NDRG3: variants seen among roughly 807,000 people sequenced by gnomAD.
The protein encoded by NDRG3 is protein NDRG3.
Under a neutral mutation model 57.2 loss-of-function variants are expected in NDRG3, and 23 were observed. That is an observed-to-expected ratio of 0.40 (90% CI 0.29 to 0.57). The LOEUF (loss-of-function observed/expected upper bound fraction) is 0.57, where lower values mean the gene tolerates loss of function less well. Ranked by LOEUF, NDRG3 falls within the 20% of genes least tolerant of loss-of-function variation. The probability of loss-of-function intolerance (pLI) is 0.42; values close to 1 mark genes in which losing one functional copy is unlikely to be tolerated. For missense variants in NDRG3, 384 were observed against 457.3 expected, an observed-to-expected ratio of 0.84 and a Z score of 1.46; for synonymous variants, 132 against 162.6, an observed-to-expected ratio of 0.81 and a Z score of 1.43.
chr20:36,663,400 C>A (rs1178165727), intron 12 of NDRG3, among the ~76,000 whole-genome samples: 1 of 152,160 alleles, frequency 6.6e-6, no homozygotes, highest in African/African-American at 2.4e-5. Flanking sequence ...TAATGTTTTG[C>A]TCTATTTAGG....
At chr20:36,733,577 A>G (rs571829492) in intron 1 of NDRG3, among the ~76,000 whole-genome samples, 1 of 152,216 alleles carries the variant, frequency 6.6e-6, no homozygotes, top group African/African-American at 2.4e-5. Flanking sequence ...ACAAAAAATT[A>G]GCCGGGAGAG....
chr20:36,728,765 G>T (rs113433911), intron 1 of NDRG3, among the ~76,000 whole-genome samples: 1 of 151,692 alleles, frequency 6.6e-6, no homozygotes, highest in Non-Finnish European at 1.5e-5. Flanking sequence ...TCACTCTGTC[G>T]CCCAGGCTGG....
intron 1 of NDRG3, among the ~76,000 whole-genome samples, chr20:36,722,564 A>G (rs144500390): frequency 2.0e-5 from 3 of 152,340 alleles, no homozygotes; most frequent in African/African-American, 7.2e-5. Context: ...ACAGACTGGA[A>G]GACGGATTAA....
At chr20:36,717,477 TG>T (rs1984342358) in intron 2 of NDRG3, among the ~76,000 whole-genome samples, 1 of 152,220 alleles carries the variant, frequency 6.6e-6, no homozygotes, top group Non-Finnish European at 1.5e-5. Context: ...GCCACAAAGG[TG>T]ATGCCAAAAC....
At chr20:36,666,234 C>A (rs1295875181) in intron 10 of NDRG3, 55 bp downstream of exon 10, 8 of 1,340,686 alleles carry the variant, frequency 6.0e-6, no homozygotes, top group Non-Finnish European at 8.6e-6. Flanking sequence ...TTCTCCCACC[C>A]TCCTCTTTTT....
At chr20:36,734,347 T>C (rs1600973789) in intron 1 of NDRG3, among the ~76,000 whole-genome samples, 1 of 152,138 alleles carries the variant, frequency 6.6e-6, no homozygotes, top group South Asian at 2.1e-4. Context: ...TCATCACAGA[T>C]GAAAAGACTG....
intron 9 of NDRG3, among the ~76,000 whole-genome samples, chr20:36,666,847 T>C (rs530906374): frequency 1.3e-5 from 2 of 152,342 alleles, no homozygotes; most frequent in African/African-American, 2.4e-5. Context: ...TTTCTTTTCT[T>C]TTTTTATAAG....
chr20:36,659,743 G>A (rs1197620836), intron 13 of NDRG3, among the ~76,000 whole-genome samples: 1 of 151,936 alleles, frequency 6.6e-6, no homozygotes, highest in Non-Finnish European at 1.5e-5. Flanking sequence ...TGGGACTACA[G>A]GCGTGGGCCA....
chr20:36,716,338 G>T (rs1286093822), intron 2 of NDRG3, among the ~76,000 whole-genome samples: 3 of 152,032 alleles, frequency 2.0e-5, no homozygotes, highest in East Asian at 1.9e-4. Context: ...TTCAAGACCA[G>T]CCTGGCCAAC....
At chr20:36,662,710 C>G (rs1372617897) in intron 12 of NDRG3, among the ~76,000 whole-genome samples, 4 of 152,130 alleles carry the variant, frequency 2.6e-5, no homozygotes, top group Non-Finnish European at 5.9e-5. Context: ...CTCTTAATCC[C>G]CACACACTTG....
intron 1 of NDRG3, among the ~76,000 whole-genome samples, chr20:36,736,701 G>A (rs952149521): frequency 3.9e-5 from 6 of 152,106 alleles, no homozygotes; most frequent in Non-Finnish European, 8.8e-5. Context: ...ACTCCCCCAG[G>A]AAGCCAGATA....
chr20:36,685,101 T>C (rs932854808), intron 5 of NDRG3, among the ~76,000 whole-genome samples: 2 of 152,068 alleles, frequency 1.3e-5, no homozygotes, highest in African/African-American at 2.4e-5. Flanking sequence ...ATCTCTTCAG[T>C]TGGAGTCCAG....
rs79102066 is a variant in NDRG3 at position 36,721,992 on chromosome 20, C to G, written c.-48-209G>C. Among the ~76,000 whole-genome samples the G allele has an allele frequency of 5.3e-4, 80 of 152,214 alleles. 1 individual carries two copies. The highest frequency in any genetic ancestry group is 1.8e-3 in the African/African-American group (76 of 41,544). On this transcript the variant is annotated intron_variant, in intron 1 of 15. Transcript: ENST00000349004. ...GTATTCACATCCTTGCCTAATACCC[C>G]CAGTGAGTGTGCGCAGGGCCTGTGG... is the stretch of plus-strand genomic sequence containing the variant.
intron 5 of NDRG3, 74 bp from the exon 6 acceptor site, chr20:36,684,549 C>G: frequency 1.5e-6 from 2 of 1,345,032 alleles, no homozygotes; most frequent in Admixed American, 1.7e-5. Flanking sequence ...CTGGAAAGGT[C>G]CAGAAGTCTT....
intron 9 of NDRG3, 101 bp from the exon 10 acceptor site, chr20:36,666,493 T>C: frequency 2.5e-6 from 2 of 811,170 alleles, no homozygotes; most frequent in South Asian, 2.9e-5. Context: ...ATCGTGCGGC[T>C]CATGATGGGA....
At chr20:36,722,843 G>A (rs1984676952) in intron 1 of NDRG3, among the ~76,000 whole-genome samples, 1 of 152,180 alleles carries the variant, frequency 6.6e-6, no homozygotes, top group Non-Finnish European at 1.5e-5. Flanking sequence ...TATGGAGGAA[G>A]CAACAATATG....
chr20:36,665,171 G>A (rs1979517735), intron 11 of NDRG3, 65 bp downstream of exon 11: 1 of 1,605,858 alleles, frequency 6.2e-7, no homozygotes, highest in Admixed American at 1.7e-5. Context: ...ATTAGTCTAT[G>A]AAAGTCTATG....
chr20:36,723,614 G>A (rs1984729866), intron 1 of NDRG3, among the ~76,000 whole-genome samples: 1 of 151,356 alleles, frequency 6.6e-6, no homozygotes. Context: ...AAGCAATTAT[G>A]TCTGATTGGT....
rs1982013065 is a variant in NDRG3 at position 36,688,794 on chromosome 20, G to C, written c.94-10C>G. 6.3e-7 allele frequency: 1 copy of C among 1,598,976 alleles called. No homozygotes were observed. Among genetic ancestry groups the C allele is most frequent in the Non-Finnish European group, 8.6e-7 (1 of 1,166,306 alleles). ...TTTCTATATCATGTTCCTGTAACAA[G>C]AGAATGTAAGTTCTCAGAAAAAGCA... On this transcript the variant is annotated splice_polypyrimidine_tract_variant and intron_variant, in intron 3 of 15. Transcript: ENST00000349004.
Sources: allele counts gnomAD v4.1 joint callset (sites outside exome capture counted in the v4.1 genomes callset), GRCh38; gene constraint gnomAD v4.1.1; transcripts MANE v1.5; gene names NCBI Gene and HGNC (gene_info 2026-07-23, HGNC 2026-07-21).